Variants in ELP1 observed in about 807,000 individuals in gnomAD.
The protein encoded by ELP1 is elongator complex protein 1.
A neutral mutation model predicts 183.2 loss-of-function variants in ELP1; 131 were observed. The ratio of observed to expected loss-of-function variants is 0.72; its 90% CI spans 0.62 to 0.83. The LOEUF is 0.83. Among genes scored for constraint, ELP1 ranks in the 40% least tolerant of loss-of-function variants. ELP1 has a pLI of 0.00. For missense variants in ELP1, 1,550 were observed against 1,594.9 expected, an observed-to-expected ratio of 0.97 and a Z score of 0.48; for synonymous variants, 555 against 569.0, an observed-to-expected ratio of 0.98 and a Z score of 0.35.
In ELP1 at chr9:108,932,901, C is replaced by T. The variant is rs185409336; in HGVS notation, c.-56+963G>A. Among the ~76,000 whole-genome samples, 328 of 152,336 alleles carry T rather than the reference C, an allele frequency of 2.2e-3. 1 individual carries two copies. The highest frequency in any genetic ancestry group is 3.6e-3 in the Non-Finnish European group (245 of 68,026). On this transcript the variant is annotated intron_variant, in intron 1 of 36. Coordinates refer to ENST00000374647, the MANE Select transcript of ELP1 (RefSeq NM_003640.5). ...CTTAAATGTGCTAAAGATCCCTCCACACCAAAGGTCAATCGTGGATTCTCT... is the reference window on the plus strand; with the variant it reads ...CTTAAATGTGCTAAAGATCCCTCCATACCAAAGGTCAATCGTGGATTCTCT...
chr9:108,900,886 TACACGCCACACAC>T (rs1828772086), intron 18 of ELP1, among the ~76,000 whole-genome samples: 1 of 13,896 alleles, frequency 7.2e-5, no homozygotes, highest in African/African-American at 3.7e-4. Flanking sequence ...CACACACACA[TACACGCCACACAC>T]ACATACACGC....
At position 108,934,094 on chromosome 9, in the gene ELP1, G is replaced by T. The variant is rs1830101410; in HGVS notation, c.-286C>A. 1 of 199,450 alleles carries T rather than the reference G, an allele frequency of 5.0e-6. No individual in the cohort carries two copies. The highest frequency in any genetic ancestry group is 1.0e-5 in the Non-Finnish European group (1 of 96,848). The allele number at this position is 199,450 out of a possible 1,614,324, so 12.4% of individuals were successfully genotyped here. On this transcript the variant is annotated 5_prime_UTR_variant, in exon 1 of 37. Transcript: ENST00000374647. ...AAGAAGCCAGCGACTCAATGGGTGC[G>T]TCAACTAGGCAGCCGCAGCACTGGG... is the stretch of plus-strand genomic sequence containing the variant.
chr9:108,870,817 G>C (rs978219465), intron 36 of ELP1, among the ~76,000 whole-genome samples: 8 of 152,002 alleles, frequency 5.3e-5, no homozygotes, highest in Non-Finnish European at 1.0e-4. Flanking sequence ...TTATTTTCTG[G>C]CACTGCTTCT....
At chr9:108,928,791 A>G (rs35093446) in intron 3 of ELP1, among the ~76,000 whole-genome samples, 2,096 of 152,324 alleles carry the variant, frequency 0.014, 25 homozygotes, top group East Asian at 0.028. Context: ...AATACGAAAA[A>G]AAAACAAGCT....
chr9:108,927,224 C>T, intron 4 of ELP1, 148 bp downstream of exon 4: 1 of 675,354 alleles, frequency 1.5e-6, no homozygotes, highest in South Asian at 1.6e-5. Context: ...CACACACATA[C>T]ATAATTGGTA....
intron 35 of ELP1, 31 bp from the exon 36 acceptor site, chr9:108,875,001 A>T (rs959983712): frequency 6.9e-7 from 1 of 1,455,938 alleles, no homozygotes; most frequent in Non-Finnish European, 9.6e-7. Context: ...ATCAGCAAAG[A>T]TTATCTAATA....
Position 108,896,562 on chromosome 9 carries a change from T to G in ELP1, c.2670A>C (p.Leu890Phe). The G allele has an allele frequency of 6.2e-7, 1 of 1,613,794 alleles. No individual in the cohort carries two copies. The highest frequency in any genetic ancestry group is 8.5e-7 in the Non-Finnish European group (1 of 1,179,670). ...YLLHLVDVNE[L>F]YDHSLGTYDF... The stretch of plus-strand genomic sequence containing the variant: ...CATAGGTGCCAAGAGAATGATCATA[T>G]AATTCATTAACATCTACCAGATGCA... Residue 890 changes from leucine to phenylalanine, a missense_variant, in exon 25 of 37, where the codon TTA (leucine) becomes TTC (phenylalanine). Coordinates refer to ENST00000374647, the MANE Select transcript of ELP1 (RefSeq NM_003640.5).
rs1829858023 is a variant in ELP1 at position 108,927,492 on chromosome 9, A to C, written c.304-39T>G. 6 of 1,499,958 alleles carry C rather than the reference A, an allele frequency of 4.0e-6. No homozygotes were observed. In the East Asian group the frequency reaches 1.1e-4, roughly 28 times the overall value. 92.9% of individuals were successfully genotyped at this position (1,499,958 alleles called of 1,614,324 possible). On this transcript the variant is annotated intron_variant, in intron 3 of 36. Coordinates refer to ENST00000374647, the MANE Select transcript of ELP1 (RefSeq NM_003640.5). Reference sequence around the variant, plus strand: ...AATTGAAAAGAGAGATTCAAACACTAGCATCTCAGTAAAAACTGACTGCAA... The same window carrying C: ...AATTGAAAAGAGAGATTCAAACACTCGCATCTCAGTAAAAACTGACTGCAA...
At position 108,896,950 on chromosome 9, in the gene ELP1, T is replaced by C; in HGVS notation, c.2587+3A>G. On this transcript the variant is annotated splice_donor_region_variant and intron_variant, in intron 24 of 36. Coordinates refer to ENST00000374647, the MANE Select transcript of ELP1 (RefSeq NM_003640.5). ...AGCACTTTCTCTGTGAGCGGATCTC[T>C]ACCTTGAAGCTCGTGTACTTTTTGC... is the stretch of plus-strand genomic sequence containing the variant. 1.2e-6 allele frequency: 2 copies of C among 1,613,262 alleles called. No individual in the cohort carries two copies. Among genetic ancestry groups the C allele is most frequent in the Non-Finnish European group, 1.7e-6 (2 of 1,179,170 alleles).
intron 29 of ELP1, among the ~76,000 whole-genome samples, chr9:108,888,938 AAG>A (rs1471998016): frequency 6.6e-6 from 1 of 152,204 alleles, no homozygotes; most frequent in Non-Finnish European, 1.5e-5. Flanking sequence ...CCTGAGGTAA[AAG>A]AGACATTTCC....
chr9:108,871,240 C>G (rs1827444672), intron 36 of ELP1, among the ~76,000 whole-genome samples: 1 of 152,032 alleles, frequency 6.6e-6, no homozygotes, highest in South Asian at 2.1e-4. Flanking sequence ...TTGTAACGAG[C>G]CTTAAAGGTC....
At chr9:108,875,892 C>T (rs1431870369) in intron 35 of ELP1, among the ~76,000 whole-genome samples, 1 of 151,890 alleles carries the variant, frequency 6.6e-6, no homozygotes, top group East Asian at 1.9e-4. Context: ...GCCTGGGTGA[C>T]AGAGCAAGAA....
chr9:108,914,352 C>T (rs1188836158), intron 10 of ELP1, among the ~76,000 whole-genome samples: 2 of 124,620 alleles, frequency 1.6e-5, no homozygotes, highest in Non-Finnish European at 3.1e-5. Flanking sequence ...TGACCGAGAT[C>T]GGGCCACTGC....
chr9:108,926,454 G>A, intron 5 of ELP1, 69 bp downstream of exon 5: 1 of 1,195,850 alleles, frequency 8.4e-7, no homozygotes, highest in Non-Finnish European at 1.2e-6. Context: ...ATGGCTATTA[G>A]TGCACAAGGA....
chr9:108,869,194 AAAGG>A lies in ELP1; in HGVS notation c.3932-16_3932-13del. 6.2e-7 allele frequency: 1 copy of A among 1,612,790 alleles called. No individual in the cohort carries two copies. Among genetic ancestry groups the A allele is most frequent in the Non-Finnish European group, 8.5e-7 (1 of 1,178,772 alleles). On this transcript the variant is annotated splice_polypyrimidine_tract_variant and intron_variant, in intron 36 of 36. Coordinates refer to ENST00000374647, the MANE Select transcript of ELP1 (RefSeq NM_003640.5). ...AAAAAGCTCAGCATCTAAAAGCAAGAAAGGAAGGGAAATTGTGACAGACATACTC... is the reference window on the plus strand; with the variant it reads ...AAAAAGCTCAGCATCTAAAAGCAAGAAAGGGAAATTGTGACAGACATACTC...
rs1234890584 is a variant in ELP1, at chr9:108,903,815, CCAATA to C, written c.1644-151_1644-147del. 1.7e-5 allele frequency: 11 copies of C among 649,644 alleles called. No individual in the cohort carries two copies. In the East Asian group the frequency reaches 2.8e-4, roughly 17 times the overall value. The allele number at this position is 649,644 out of a possible 1,614,324, so 40.2% of individuals were successfully genotyped here. On this transcript the variant is annotated intron_variant, in intron 14 of 36. Coordinates refer to ENST00000374647, the MANE Select transcript of ELP1 (RefSeq NM_003640.5). ...GTAGACAAAATACATATATACACAC[CCAATA>C]CTATACACACACACACACACACACA...
chr9:108,906,448 G>A lies in ELP1; in HGVS notation c.1498C>T (p.Pro500Ser). 1 of 1,613,850 alleles carries A rather than the reference G, an allele frequency of 6.2e-7. No homozygotes were observed. Among genetic ancestry groups the A allele is most frequent in the Non-Finnish European group, 8.5e-7 (1 of 1,179,790 alleles). Residue 500 changes from proline to serine, a missense_variant, in exon 14 of 37, where the codon CCG becomes TCG. Pro to Ser is a moderately conservative substitution (Grantham distance 74). Coordinates refer to ENST00000374647, the MANE Select transcript of ELP1 (RefSeq NM_003640.5). ...FENNEDQDVN[P>S]LKLGLLTWIE... Reference sequence around the variant, plus strand: ...CAAGTGAGAAGGCCTAGTTTCAGCGGGTTTACATCTTGATCTTCATTATTC... The same window carrying A: ...CAAGTGAGAAGGCCTAGTTTCAGCGAGTTTACATCTTGATCTTCATTATTC...
Position 108,874,891 on chromosome 9 carries a change from T to G in ELP1, c.3931+4A>C. On this transcript the variant is annotated splice_donor_region_variant and intron_variant, in intron 36 of 36. Coordinates refer to ENST00000374647, the MANE Select transcript of ELP1 (RefSeq NM_003640.5). ...TGTAATATTAAATGAGAAAAAATAC[T>G]AACCAAGAACAGGAACCGAAGTCTT... 1 of 1,590,560 alleles carries G rather than the reference T, an allele frequency of 6.3e-7. No homozygotes were observed. The highest frequency in any genetic ancestry group is 1.3e-5 in the African/African-American group (1 of 74,596).
intron 12 of ELP1, among the ~76,000 whole-genome samples, chr9:108,909,387 A>G (rs571008896): frequency 7.2e-5 from 11 of 152,266 alleles, no homozygotes; most frequent in African/African-American, 2.4e-4. Context: ...AATGAGGGGG[A>G]AAAAGGAGTG....
Sources: allele counts gnomAD v4.1 joint callset (sites outside exome capture counted in the v4.1 genomes callset), GRCh38; gene constraint gnomAD v4.1.1; transcripts MANE v1.5; gene names NCBI Gene and HGNC (gene_info 2026-07-23, HGNC 2026-07-21).